Variants in CELF2 observed in about 807,000 individuals in gnomAD.
CELF2 encodes CUGBP Elav-like family member 2, also known as CUG triplet repeat RNA-binding protein 2.
Under a neutral mutation model 62.6 loss-of-function variants are expected in CELF2, and 8 were observed. The ratio of observed to expected loss-of-function variants is 0.13; its 90% confidence interval spans 0.07 to 0.23. The LOEUF (loss-of-function observed/expected upper bound fraction) is 0.23. Ranked by LOEUF, CELF2 falls within the 10% of genes least tolerant of loss-of-function variation. The probability of loss-of-function intolerance (pLI) is 1.00; values close to 1 mark genes in which losing one functional copy is unlikely to be tolerated. For missense variants in CELF2, 333 were observed against 671.0 expected, an observed-to-expected ratio of 0.50 and a Z score of 5.56; for synonymous variants, 258 against 250.0, an observed-to-expected ratio of 1.03 and a Z score of -0.30.
rs971925744 is a variant in CELF2, at chr10:11,296,588, C to T, written c.976+8036C>T. 3.3e-5 allele frequency among the ~76,000 whole-genome samples: 5 copies of T among 152,176 alleles called. No homozygotes were observed. Among genetic ancestry groups the T allele is most frequent in the Non-Finnish European group, 7.4e-5 (5 of 68,026 alleles). On this transcript the variant is annotated intron_variant, in intron 9 of 12. Coordinates refer to ENST00000633077, the MANE Select transcript of CELF2 (RefSeq NM_001326342.2). This position sits in a 1 kb window ranked among gnomAD's most constrained non-coding sequence, Gnocchi z 5.0. ...ATACTGTAAGTTCCATTTCTTCAGA[C>T]TTGAAAGCAATAAAATGGAAATTTT...
At chr10:10,640,257 G>A in the CELF2 span, among the ~76,000 whole-genome samples, 1 of 152,192 alleles carries the variant, frequency 6.6e-6, no homozygotes, top group African/African-American at 2.4e-5. Flanking sequence ...AATATTGGAT[G>A]TTGAGTAAAG....
the CELF2 span, chr10:10,792,423 C>CCA: frequency 1.8e-5 from 7 of 398,436 alleles, no homozygotes; most frequent in South Asian, 8.9e-4. Flanking sequence ...AATTCCATCT[C>CCA]TATGAGCAGG....
the CELF2 span, among the ~76,000 whole-genome samples, chr10:10,681,988 A>G: frequency 1.3e-5 from 2 of 152,220 alleles, no homozygotes; most frequent in Admixed American, 6.5e-5. Flanking sequence ...AATAAAACAG[A>G]TTAAGAGATT....
rs915755962 is a variant in CELF2 at position 10,997,694 on chromosome 10, A to T, written c.89+77695A>T. Among the ~76,000 whole-genome samples the T allele has an allele frequency of 2.0e-5, 3 of 152,220 alleles. No homozygotes were observed. Among genetic ancestry groups the T allele is most frequent in the African/African-American group, 7.2e-5 (3 of 41,460 alleles). ...AATAAATTCGGTCCCTTTTCCACAT[A>T]AATATTACATGCATCTTGCACAAGC... is the stretch of plus-strand genomic sequence containing the variant. On this transcript the variant is annotated intron_variant, in intron 2 of 13. Coordinates refer to the CELF2 transcript ENST00000636488. This position sits in a 1 kb window ranked among gnomAD's most constrained non-coding sequence, Gnocchi z 5.3.
intron 2 of CELF2, among the ~76,000 whole-genome samples, chr10:11,183,090 C>T (rs2073921345): frequency 6.6e-6 from 1 of 152,258 alleles, no homozygotes; most frequent in African/African-American, 2.4e-5. Flanking sequence ...ACACATCTCT[C>T]ACCCCTGAAA....
Position 11,090,264 on chromosome 10 carries a change from G to A in CELF2, c.74+72101G>A, listed in dbSNP as rs559310773. 4.2e-4 allele frequency among the ~76,000 whole-genome samples: 64 copies of A among 152,024 alleles called. 1 individual carries two copies. Among genetic ancestry groups the A allele is most frequent in the African/African-American group, 1.2e-3 (51 of 41,468 alleles). ...AAACAAGGCGGTAGAAGAAGTAATC[G>A]TGGAAGACTTAGGAAAAGAGAGGAT... On this transcript the variant is annotated intron_variant, in intron 1 of 12. Transcript: ENST00000633077.
At chr10:11,209,127 T>C (rs1157879832) in intron 2 of CELF2, among the ~76,000 whole-genome samples, 1 of 152,198 alleles carries the variant, frequency 6.6e-6, no homozygotes, top group Non-Finnish European at 1.5e-5. Context: ...ATCTCTCAGT[T>C]GATGTCATTA....
At chr10:10,575,216 A>G in the CELF2 span, among the ~76,000 whole-genome samples, 4 of 152,180 alleles carry the variant, frequency 2.6e-5, no homozygotes, top group Admixed American at 2.6e-4. Context: ...CAAAACGTGA[A>G]TGAAAGAACA....
chr10:10,829,179 C>G (rs2057649955), intron 1 of CELF2, among the ~76,000 whole-genome samples: 4 of 152,222 alleles, frequency 2.6e-5, no homozygotes, highest in Admixed American at 1.3e-4. Context: ...TGATACGTAT[C>G]TTGAATATTG....
chr10:10,542,771 G>T, the CELF2 span, among the ~76,000 whole-genome samples: 49,595 of 152,000 alleles, frequency 0.33, 8,813 homozygotes, highest in Middle Eastern at 0.42. Flanking sequence ...TGTGACAGGG[G>T]TTATGATTTG....
chr10:10,969,147 C>G (rs865921503), intron 2 of CELF2, among the ~76,000 whole-genome samples: 1 of 152,184 alleles, frequency 6.6e-6, no homozygotes, highest in Non-Finnish European at 1.5e-5. Flanking sequence ...GTCCCAGCTA[C>G]TCAGGAGGCT....
chr10:11,320,285 C>G (rs2095357559), intron 10 of CELF2, among the ~76,000 whole-genome samples: 1 of 152,174 alleles, frequency 6.6e-6, no homozygotes, highest in Non-Finnish European at 1.5e-5. Flanking sequence ...GAAATCGAGT[C>G]TACTGGCCAC....
chr10:11,037,940 G>A (rs577044441), intron 1 of CELF2, among the ~76,000 whole-genome samples: 1 of 149,208 alleles, frequency 6.7e-6, no homozygotes, highest in South Asian at 2.2e-4. Context: ...AAAAGCTTGA[G>A]ATTTCTTTGT....
rs186755194 is a variant in CELF2 at position 11,095,715 on chromosome 10, G to T, written c.75-69771G>T. ...CAACCAGAAAAAGAGAGTGATGGAGGCAGGCACGCAGTGCTCCCCACTAGG... is the reference window on the plus strand; with the variant it reads ...CAACCAGAAAAAGAGAGTGATGGAGTCAGGCACGCAGTGCTCCCCACTAGG... On this transcript the variant is annotated intron_variant, in intron 1 of 12. Transcript: ENST00000633077. Among the ~76,000 whole-genome samples the T allele has an allele frequency of 2.9e-3, 443 of 152,254 alleles. 11 individuals are homozygous for T. Among genetic ancestry groups the T allele is most frequent in the Admixed American group, 0.026 (392 of 15,294 alleles).
chr10:10,707,696 G>C, the CELF2 span, among the ~76,000 whole-genome samples: 1 of 152,158 alleles, frequency 6.6e-6, no homozygotes, highest in Non-Finnish European at 1.5e-5. Flanking sequence ...CAAGATTCCT[G>C]CATTGGGTGG....
At chr10:10,956,614 A>G (rs2048924963) in intron 2 of CELF2, among the ~76,000 whole-genome samples, 1 of 152,170 alleles carries the variant, frequency 6.6e-6, no homozygotes, top group African/African-American at 2.4e-5. Context: ...GGGAACTGCC[A>G]TATGCAAAGG....
the CELF2 span, among the ~76,000 whole-genome samples, chr10:10,653,994 G>A: frequency 6.6e-6 from 1 of 151,684 alleles, no homozygotes. Flanking sequence ...GAAAAAAAGA[G>A]AGAAGAATCA....
At chr10:11,228,502 A>G (rs1224201858) in intron 3 of CELF2, among the ~76,000 whole-genome samples, 3 of 152,220 alleles carry the variant, frequency 2.0e-5, no homozygotes, top group African/African-American at 7.2e-5. Context: ...TATTTTAACT[A>G]GATACAAGTA....
At chr10:10,579,123 G>T in the CELF2 span, among the ~76,000 whole-genome samples, 1 of 152,068 alleles carries the variant, frequency 6.6e-6, no homozygotes, top group African/African-American at 2.4e-5. Flanking sequence ...AAGAAAAAAG[G>T]GTATAAAAGA....
Sources: allele counts gnomAD v4.1 joint callset (sites outside exome capture counted in the v4.1 genomes callset), GRCh38; gene constraint gnomAD v4.1.1; non-coding constraint Gnocchi (gnomAD v3.1); transcripts MANE v1.5; gene names NCBI Gene and HGNC (gene_info 2026-07-23, HGNC 2026-07-21).